The following SH3BGRL2 variants were observed in gnomAD, a reference collection of about 807,000 sequenced individuals.
SH3BGRL2 encodes the protein SH3 domain binding glutamate rich protein like 2.
A neutral mutation model predicts 14.8 loss-of-function variants in SH3BGRL2; 21 were observed. The observed-to-expected ratio is 1.42, with a 90% confidence interval of 1.01 to 2.05. SH3BGRL2 has a LOEUF of 2.05. Ranked by LOEUF, SH3BGRL2 falls within the 30% of genes most tolerant of loss-of-function variation. SH3BGRL2 has a pLI of 0.00. For missense variants in SH3BGRL2, 147 were observed against 130.8 expected (o/e 1.12, Z -0.61); for synonymous variants, 50 against 47.8 (o/e 1.05, Z -0.19).
chr6:79,589,218 T>G, the SH3BGRL2 span, among the ~76,000 whole-genome samples: 1 of 149,478 alleles, frequency 6.7e-6, no homozygotes, highest in Non-Finnish European at 1.5e-5. Flanking sequence ...TTTTTTTTTT[T>G]GATTCATGGT....
At chr6:79,565,265 A>G in the SH3BGRL2 span, among the ~76,000 whole-genome samples, 2 of 152,222 alleles carry the variant, frequency 1.3e-5, no homozygotes, top group South Asian at 2.1e-4. Context: ...CATGAATTCA[A>G]TAACAACTAG....
the SH3BGRL2 span, among the ~76,000 whole-genome samples, chr6:79,568,406 A>G: frequency 6.6e-6 from 1 of 152,204 alleles, no homozygotes; most frequent in African/African-American, 2.4e-5. Flanking sequence ...GAAAATGAAT[A>G]GACTATAGCT....
In SH3BGRL2 at chr6:79,702,742, A is replaced by T. The variant is rs1770488318; in HGVS notation, c.*3233A>T. On this transcript the variant is annotated 3_prime_UTR_variant, in exon 4 of 4. Transcript: ENST00000369838. ...AGATTCATCTCAGACAGTGATCAGG[A>T]CTGAGGATGGAGTTAAATCACTCAG... The T allele has an allele frequency of 2.0e-5, 3 of 152,274 alleles. No individual in the cohort carries two copies. In the South Asian group the frequency reaches 6.2e-4, roughly 32 times the overall value. The allele number at this position is 152,274 out of a possible 1,614,324, so 9.4% of individuals were successfully genotyped here. A position where few individuals can be genotyped will look rare whatever the true frequency, so the allele number is the denominator to read the frequency against.
chr6:79,693,881 G>T (rs867089077), intron 2 of SH3BGRL2, among the ~76,000 whole-genome samples: 1 of 152,186 alleles, frequency 6.6e-6, no homozygotes, highest in African/African-American at 2.4e-5. Context: ...CTTAGATCAG[G>T]TTGGTAGAGA....
chr6:79,572,563 T>A, the SH3BGRL2 span, among the ~76,000 whole-genome samples: 1 of 152,182 alleles, frequency 6.6e-6, no homozygotes, highest in Non-Finnish European at 1.5e-5. Context: ...CTTGCCGGGT[T>A]CACGCCATTC....
chr6:79,644,721 G>A (rs1342920936), intron 1 of SH3BGRL2, among the ~76,000 whole-genome samples: 1 of 152,040 alleles, frequency 6.6e-6, no homozygotes, highest in Non-Finnish European at 1.5e-5. Context: ...TTGTAAAGTT[G>A]TTGAAGCTTA....
the SH3BGRL2 span, among the ~76,000 whole-genome samples, chr6:79,594,626 A>G: frequency 1.3e-5 from 2 of 152,112 alleles, no homozygotes; most frequent in African/African-American, 4.8e-5. Flanking sequence ...GGGAAAGGTC[A>G]AGACAGCTGG....
chr6:79,582,730 G>A, the SH3BGRL2 span, among the ~76,000 whole-genome samples: 1 of 152,150 alleles, frequency 6.6e-6, no homozygotes, highest in Admixed American at 6.5e-5. Context: ...CATGGGCAAG[G>A]ACTTCATGAC....
intron 1 of SH3BGRL2, among the ~76,000 whole-genome samples, chr6:79,654,185 A>T (rs1252105415): frequency 1.3e-5 from 2 of 152,226 alleles, no homozygotes; most frequent in East Asian, 3.8e-4. Context: ...AACATAGCTG[A>T]TGTGAAGTAC....
At chr6:79,687,905 A>G (rs980544725) in intron 2 of SH3BGRL2, among the ~76,000 whole-genome samples, 7 of 152,102 alleles carry the variant, frequency 4.6e-5, no homozygotes, top group African/African-American at 1.4e-4. Flanking sequence ...CTTAATTGTG[A>G]TTGACTTAGC....
chr6:79,565,834 T>C, the SH3BGRL2 span, among the ~76,000 whole-genome samples: 46 of 152,330 alleles, frequency 3.0e-4, no homozygotes, highest in East Asian at 9.7e-4. Flanking sequence ...CCCCAACAAA[T>C]TATGGGAGTC....
At chr6:79,552,814 C>T in the SH3BGRL2 span, 2 of 152,310 alleles carry the variant, frequency 1.3e-5, no homozygotes, top group East Asian at 3.9e-4. Context: ...TCTCAGATGT[C>T]AAAATAGGGG....
intron 1 of SH3BGRL2, among the ~76,000 whole-genome samples, chr6:79,663,061 A>G (rs984522464): frequency 3.9e-5 from 6 of 152,152 alleles, no homozygotes; most frequent in African/African-American, 1.4e-4. Flanking sequence ...CCTTTTTTCA[A>G]GGTTTTTAGC....
Position 79,673,700 on chromosome 6 carries a change from A to T in SH3BGRL2, c.132A>T (p.Glu44Asp). The change falls in exon 2 of 4, where the codon GAA becomes GAT. Residue 44 changes from glutamate to aspartate, a missense_variant. By Grantham distance (45) the Glu-to-Asp change is conservative. Transcript: ENST00000369838. The stretch of plus-strand genomic sequence containing the variant: ...AGGTGGATATCACAATGTCAGAAGA[A>T]CAGAGGCAATGGATGTACAAAAACG... ...FEEVDITMSE[E>D]QRQWMYKNVP... 1 of 1,614,198 alleles carries T rather than the reference A, an allele frequency of 6.2e-7. No individual in the cohort carries two copies. Among genetic ancestry groups the T allele is most frequent in the Non-Finnish European group, 8.5e-7 (1 of 1,180,026 alleles).
chr6:79,655,859 G>T (rs2127727694), intron 1 of SH3BGRL2, among the ~76,000 whole-genome samples: 1 of 152,266 alleles, frequency 6.6e-6, no homozygotes, highest in East Asian at 1.9e-4. Flanking sequence ...AACTCTGGGG[G>T]CTATTCACCC....
the SH3BGRL2 span, among the ~76,000 whole-genome samples, chr6:79,599,359 A>G: frequency 1.4e-5 from 2 of 142,728 alleles, no homozygotes; most frequent in Middle Eastern, 3.3e-3. Flanking sequence ...ATGTAATAAT[A>G]TTTATAACAG....
chr6:79,614,523 G>A, the SH3BGRL2 span, among the ~76,000 whole-genome samples: 49 of 152,324 alleles, frequency 3.2e-4, no homozygotes, highest in African/African-American at 1.1e-3. Context: ...GACTTTAGCT[G>A]CAGGGTGCTC....
At chr6:79,652,472 T>C (rs149744191) in intron 1 of SH3BGRL2, among the ~76,000 whole-genome samples, 1 of 152,318 alleles carries the variant, frequency 6.6e-6, no homozygotes, top group East Asian at 1.9e-4. Context: ...GACAGCAAAC[T>C]GGTCCTTGGC....
At chr6:79,689,071 A>G (rs1177865752) in intron 2 of SH3BGRL2, among the ~76,000 whole-genome samples, 2 of 152,144 alleles carry the variant, frequency 1.3e-5, no homozygotes, top group Non-Finnish European at 2.9e-5. Flanking sequence ...AACAAATGCA[A>G]TTCATCTATC....
Sources: gnomAD v4.1 joint callset for allele counts (sites outside exome capture counted in the v4.1 genomes callset) on GRCh38, gnomAD v4.1.1 for gene constraint, MANE v1.5 for transcripts, NCBI Gene and HGNC (gene_info 2026-07-23, HGNC 2026-07-21) for gene names.